Variants in CHD2 observed in about 807,000 individuals in gnomAD.
The protein encoded by CHD2 is chromodomain helicase DNA binding protein 2, also known as ATP-dependent chromatin remodeler CHD2.
CHD2 carries 28 observed loss-of-function variants against 243.9 expected under a neutral mutation model. The observed-to-expected ratio is 0.11, with a 90% CI of 0.09 to 0.16. The LOEUF (loss-of-function observed/expected upper bound fraction) is 0.16, where lower values mean the gene tolerates loss of function less well. Among genes scored for constraint, CHD2 ranks in the 10% least tolerant of loss-of-function variants. The probability of loss-of-function intolerance (pLI) is 1.00; values close to 1 mark genes in which losing one functional copy is unlikely to be tolerated. For missense variants in CHD2, 1,386 were observed against 2,209.8 expected (o/e 0.63, Z 7.47); for synonymous variants, 775 against 779.0 (o/e 0.99, Z 0.09).
intron 27 of CHD2, 135 bp from the exon 28 acceptor site, chr15:92,992,724 T>C (rs1405518580): frequency 9.5e-7 from 1 of 1,049,620 alleles, no homozygotes; most frequent in South Asian, 1.7e-5. Context: ...GTTGGAGCCT[T>C]AGAATGACCA....
At chr15:93,013,859 C>T (rs1596457635) in intron 36 of CHD2, among the ~76,000 whole-genome samples, 1 of 137,832 alleles carries the variant, frequency 7.3e-6, no homozygotes, top group Non-Finnish European at 1.5e-5. Flanking sequence ...CGCATGAGAC[C>T]AGGAGGTGGA....
At chr15:92,923,731 A>G (rs1357219558) in intron 2 of CHD2, among the ~76,000 whole-genome samples, 3 of 151,572 alleles carry the variant, frequency 2.0e-5, no homozygotes, top group Non-Finnish European at 2.9e-5. Flanking sequence ...ACAGCCAGCT[A>G]ATTTTTGTAT....
At chr15:92,904,274 C>G (rs938022628) in intron 2 of CHD2, 1 of 163,158 alleles carries the variant, frequency 6.1e-6, no homozygotes, top group Non-Finnish European at 1.3e-5. Context: ...AGGAAGTTGC[C>G]GTGCCGAGTT....
chr15:92,963,771 C>T (rs1407552423), intron 16 of CHD2, among the ~76,000 whole-genome samples: 1 of 152,164 alleles, frequency 6.6e-6, no homozygotes, highest in Admixed American at 6.5e-5. Flanking sequence ...GTGACCAAGG[C>T]CAGTGTCCTT....
Position 93,015,849 on chromosome 15 carries a change from C to T in CHD2, c.4906+940C>T, listed in dbSNP as rs563959976. ...GTTAGGATGGCTAGTACCAAAAAGT[C>T]AAAAGATAAGGGTTGCCAAGGATGT... On this transcript the variant is annotated intron_variant, in intron 37 of 38. Transcript: ENST00000394196. Among the ~76,000 whole-genome samples the T allele has an allele frequency of 3.3e-4, 50 of 152,162 alleles. No homozygotes were observed. In the South Asian group the frequency reaches 8.9e-3, roughly 27 times the overall value.
chr15:92,982,493 C>T (rs1435318501), intron 24 of CHD2, among the ~76,000 whole-genome samples: 1 of 152,146 alleles, frequency 6.6e-6, no homozygotes, highest in African/African-American at 2.4e-5. Context: ...GATCAGTTGG[C>T]TATCCCAAGG....
chr15:92,921,944 T>C (rs1420405108), intron 2 of CHD2, among the ~76,000 whole-genome samples: 1 of 152,188 alleles, frequency 6.6e-6, no homozygotes, highest in Non-Finnish European at 1.5e-5. Context: ...ACCTGCCTGG[T>C]CACAGGTATA....
At position 92,998,121 on chromosome 15, in the gene CHD2, T is replaced by A. The variant is rs1329358201; in HGVS notation, c.3886-378T>A. On this transcript the variant is annotated intron_variant, in intron 30 of 38. Transcript: ENST00000394196. The surrounding 1 kb of genome is among the most constrained non-coding windows in gnomAD (Gnocchi z 5.1). The stretch of plus-strand genomic sequence containing the variant: ...CTCCGGCAATGCTCTAAGAAGCATT[T>A]TCAATCTAAAACGAAGCTTTAACCT... 2 of 965,136 alleles carry A rather than the reference T, an allele frequency of 2.1e-6. No homozygotes were observed. The highest frequency in any genetic ancestry group is 3.5e-5 in the African/African-American group (2 of 57,044). The allele number at this position is 965,136 out of a possible 1,614,324, so 59.8% of individuals were successfully genotyped here. A position where few individuals can be genotyped will look rare whatever the true frequency, so the allele number is the denominator to read the frequency against.
chr15:92,904,132 C>T (rs1169518151), intron 2 of CHD2, among the ~76,000 whole-genome samples: 1 of 152,228 alleles, frequency 6.6e-6, no homozygotes, highest in Non-Finnish European at 1.5e-5. Context: ...AAAGGCAGTT[C>T]GATAGGGCAC....
At chr15:92,942,298 T>A (rs149532984) in intron 8 of CHD2, among the ~76,000 whole-genome samples, 1 of 152,224 alleles carries the variant, frequency 6.6e-6, no homozygotes, top group Non-Finnish European at 1.5e-5. Context: ...TGTGGTAATA[T>A]TGAAGATTTT....
intron 9 of CHD2, 29 bp downstream of exon 9, chr15:92,943,097 TG>T (rs2053407919): frequency 6.5e-7 from 1 of 1,541,780 alleles, no homozygotes. Flanking sequence ...ATTAAAGAAA[TG>T]TATTTGCAGC....
chr15:92,996,519 A>G (rs2141866594), intron 28 of CHD2, among the ~76,000 whole-genome samples: 2 of 152,224 alleles, frequency 1.3e-5, no homozygotes, highest in Middle Eastern at 6.8e-3. Flanking sequence ...GTTAGATGTG[A>G]ACTTAAGCTC....
rs556849799 is a variant in CHD2 at position 92,997,608 on chromosome 15, T to C, written c.3885+205T>C. 13 of 413,688 alleles carry C rather than the reference T, an allele frequency of 3.1e-5. No homozygotes were observed. The South Asian group carries it at 5.6e-4, about 18-fold the overall frequency. The allele number at this position is 413,688 out of a possible 1,614,324, so 25.6% of individuals were successfully genotyped here. ...AAAAGACAGTAGCCAGGTGAAATTT[T>C]GGGGAAACTGTAGGAGAAATCTTAA... On this transcript the variant is annotated intron_variant, in intron 30 of 38. Transcript: ENST00000394196. The surrounding 1 kb of genome is among the most constrained non-coding windows in gnomAD (Gnocchi z 4.1).
intron 36 of CHD2, among the ~76,000 whole-genome samples, chr15:93,013,021 C>T (rs1211324570): frequency 6.6e-6 from 1 of 152,214 alleles, no homozygotes; most frequent in Non-Finnish European, 1.5e-5. Context: ...AATCTGTGAG[C>T]ATTAAATACC....
At chr15:92,999,741 A>G (rs1290756397) in intron 31 of CHD2, among the ~76,000 whole-genome samples, 1 of 152,248 alleles carries the variant, frequency 6.6e-6, no homozygotes, top group African/African-American at 2.4e-5. Flanking sequence ...CTGGAAAGGC[A>G]GAGGTTAGAT....
At chr15:92,901,976 A>G in intron 2 of CHD2, 1 of 379,648 alleles carries the variant, frequency 2.6e-6, no homozygotes. Flanking sequence ...GTAATAACAG[A>G]AATCCTGGAA....
At chr15:92,964,141 T>G (rs2053724924) in intron 16 of CHD2, among the ~76,000 whole-genome samples, 1 of 152,214 alleles carries the variant, frequency 6.6e-6, no homozygotes, top group East Asian at 1.9e-4. Context: ...ATTCAGGGAG[T>G]CTCTTCCAAA....
rs551122599 is a variant in CHD2 at position 93,016,772 on chromosome 15, A to G, written c.4906+1863A>G. 2.7e-5 allele frequency among the ~76,000 whole-genome samples: 4 copies of G among 148,580 alleles called. No individual in the cohort carries two copies. In the East Asian group the frequency reaches 7.9e-4, roughly 29 times the overall value. On this transcript the variant is annotated intron_variant, in intron 37 of 38. Transcript: ENST00000394196. ...GCTCCAGTCTGGGCAATAGAGTGAG[A>G]CCGTCTCAAAAAAAAAAAAAAATTG...
chr15:92,972,025 A>G, intron 18 of CHD2, 98 bp downstream of exon 18: 1 of 1,308,324 alleles, frequency 7.6e-7, no homozygotes, highest in Non-Finnish European at 1.0e-6. Context: ...TGACCTATCA[A>G]GGATCATCAA....
Sources: gnomAD v4.1 joint callset for allele counts (sites outside exome capture counted in the v4.1 genomes callset) on GRCh38, gnomAD v4.1.1 for gene constraint, Gnocchi (gnomAD v3.1) non-coding constraint, MANE v1.5 for transcripts, NCBI Gene and HGNC (gene_info 2026-07-23, HGNC 2026-07-21) for gene names.